The following MATR3 variants were observed in gnomAD, a reference collection of about 807,000 sequenced individuals.
MATR3 encodes matrin-3.
Under a neutral mutation model 85.5 loss-of-function variants are expected in MATR3, and 4 were observed. The observed-to-expected ratio is 0.05, with a 90% confidence interval of 0.02 to 0.11. MATR3 has a LOEUF of 0.11. Ranked by LOEUF, MATR3 falls within the 10% of genes least tolerant of loss-of-function variation. The probability of loss-of-function intolerance (pLI) is 1.00; values close to 1 mark genes in which losing one functional copy is unlikely to be tolerated. For missense variants in MATR3, 685 were observed against 1,016.1 expected, an observed-to-expected ratio of 0.67 and a Z score of 4.43; for synonymous variants, 336 against 343.1, an observed-to-expected ratio of 0.98 and a Z score of 0.23.
At chr5:139,325,850 G>A (rs1755828066) in intron 13 of MATR3, among the ~76,000 whole-genome samples, 188 bp downstream of exon 13, 1 of 152,104 alleles carries the variant, frequency 6.6e-6, no homozygotes, top group East Asian at 1.9e-4. Context: ...CTCTGATTTT[G>A]TATTATTTTC....
intron 3 of MATR3, among the ~76,000 whole-genome samples, chr5:139,281,787 G>T (rs1240337967): frequency 1.3e-5 from 2 of 152,118 alleles, no homozygotes; most frequent in African/African-American, 4.8e-5. Flanking sequence ...TCTTTTCATT[G>T]CTTAGGCCAA....
chr5:139,301,391 C>T (rs1454503619), intron 1 of MATR3, among the ~76,000 whole-genome samples: 1 of 151,862 alleles, frequency 6.6e-6, no homozygotes, highest in Non-Finnish European at 1.5e-5. Context: ...ACAATCTTGG[C>T]TCACTGCAGC....
At chr5:139,302,427 G>A (rs893238606) in intron 1 of MATR3, among the ~76,000 whole-genome samples, 1 of 152,100 alleles carries the variant, frequency 6.6e-6, no homozygotes, top group Non-Finnish European at 1.5e-5. Context: ...TGAAATAATT[G>A]TTACAAAATA....
intron 1 of MATR3, among the ~76,000 whole-genome samples, chr5:139,306,845 C>G (rs1754737047): frequency 6.6e-6 from 1 of 152,112 alleles, no homozygotes; most frequent in African/African-American, 2.4e-5. Flanking sequence ...TCATCTTTGA[C>G]TTGCTGACCT....
chr5:139,319,300 A>T, intron 8 of MATR3, 34 bp from the exon 9 acceptor site: 1 of 1,589,200 alleles, frequency 6.3e-7, no homozygotes, highest in East Asian at 2.2e-5. Context: ...TAATTATTGC[A>T]CATTTGTCCT....
chr5:139,317,135 A>T (rs201496225), intron 6 of MATR3, 30 bp downstream of exon 6: 5 of 1,602,242 alleles, frequency 3.1e-6, no homozygotes, highest in Admixed American at 1.7e-5. Flanking sequence ...GTTTTACTGT[A>T]TTTATGATTT....
At chr5:139,327,909 T>C (rs920025254) in intron 14 of MATR3, among the ~76,000 whole-genome samples, 2 of 152,152 alleles carry the variant, frequency 1.3e-5, no homozygotes, top group African/African-American at 2.4e-5. Flanking sequence ...TTCCCCAAGC[T>C]GGAGTGCAAT....
chr5:139,280,950 C>G (rs1417209676), intron 3 of MATR3, among the ~76,000 whole-genome samples: 2 of 151,942 alleles, frequency 1.3e-5, no homozygotes, highest in East Asian at 3.9e-4. Flanking sequence ...CCTACTTATC[C>G]CTGTCGATTT....
chr5:139,298,276 A>T (rs1754263389), intron 1 of MATR3, among the ~76,000 whole-genome samples: 1 of 152,180 alleles, frequency 6.6e-6, no homozygotes, highest in Non-Finnish European at 1.5e-5. Context: ...AATGTCAAAG[A>T]AATACAAACA....
chr5:139,300,570 C>T (rs1036179852), intron 1 of MATR3, among the ~76,000 whole-genome samples: 7 of 152,148 alleles, frequency 4.6e-5, no homozygotes, highest in Non-Finnish European at 8.8e-5. Flanking sequence ...ATTTTACCTT[C>T]TTAGTTTTAT....
At chr5:139,311,006 C>T (rs1296381959) in intron 2 of MATR3, 1 of 152,254 alleles carries the variant, frequency 6.6e-6, no homozygotes, top group African/African-American at 2.4e-5. Context: ...CCATGTTGGT[C>T]AGGCTGGTCT....
chr5:139,283,972 A>G (rs1039246725), intron 3 of MATR3, among the ~76,000 whole-genome samples: 4 of 152,234 alleles, frequency 2.6e-5, no homozygotes, highest in African/African-American at 7.2e-5. Context: ...TATATGTGTC[A>G]TAGTACCATG....
intron 2 of MATR3, chr5:139,278,365 G>A: frequency 4.4e-6 from 2 of 453,820 alleles, no homozygotes; most frequent in South Asian, 3.1e-5. Context: ...CCATCTGAAG[G>A]GAGGAAATAG....
intron 1 of MATR3, chr5:139,294,118 G>T: frequency 1.7e-6 from 2 of 1,175,712 alleles, no homozygotes; most frequent in Non-Finnish European, 2.2e-6. Context: ...GACCGGCCGA[G>T]CTTCCTGCGC....
rs1402676243 is a variant in MATR3 at position 139,287,449 on chromosome 5, TCTCTACTA to T, written c.-178+8321_-178+8328del. Among the ~76,000 whole-genome samples, 275 of 152,176 alleles carry T rather than the reference TCTCTACTA, an allele frequency of 1.8e-3. 2 individuals carry two copies. Among genetic ancestry groups the T allele is most frequent in the African/African-American group, 6.3e-3 (262 of 41,506 alleles). On this transcript the variant is annotated intron_variant, in intron 3 of 16. Coordinates refer to ENST00000509990, the Ensembl canonical transcript of MATR3. ...GCCTGGCCAATGTGGCGAAACCCCA[TCTCTACTA>T]AAAGTACAAAAATTAGCTGGACATG...
intron 3 of MATR3, chr5:139,279,169 C>CTCAGATT: frequency 2.2e-6 from 1 of 453,986 alleles, no homozygotes; most frequent in African/African-American, 2.0e-5. Context: ...AATTAAATTA[C>CTCAGATT]TATAGCTCAG....
chr5:139,274,869 G>A (rs1405276134), intron 1 of MATR3, among the ~76,000 whole-genome samples: 5 of 151,840 alleles, frequency 3.3e-5, no homozygotes, highest in Non-Finnish European at 1.5e-5. Flanking sequence ...AGATTGCAGT[G>A]AGCCGAGATA....
At chr5:139,308,791 A>T (rs1055649832) in intron 2 of MATR3, among the ~76,000 whole-genome samples, 11 of 152,198 alleles carry the variant, frequency 7.2e-5, no homozygotes, top group African/African-American at 2.7e-4. Context: ...CTACAGGGAA[A>T]GAGTTAATGT....
intron 1 of MATR3, 74 bp downstream of exon 1, chr5:139,293,879 C>A (rs952082535): frequency 1.2e-4 from 101 of 826,396 alleles, no homozygotes; most frequent in Non-Finnish European, 1.5e-4. Flanking sequence ...GGGACAACGA[C>A]GGCGACAGGG....
Sources: gnomAD v4.1 joint callset for allele counts (sites outside exome capture counted in the v4.1 genomes callset) on GRCh38, gnomAD v4.1.1 for gene constraint, MANE v1.5 for transcripts, NCBI Gene and HGNC (gene_info 2026-07-23, HGNC 2026-07-21) for gene names.